EYA3: variants seen among roughly 807,000 people sequenced by gnomAD.
The protein encoded by EYA3 is protein phosphatase EYA3.
In EYA3, 39 loss-of-function variants were observed where a neutral mutation model predicts 80.0. The ratio of observed to expected loss-of-function variants is 0.49; its 90% confidence interval spans 0.38 to 0.64. The LOEUF (loss-of-function observed/expected upper bound fraction) is 0.64, where lower values mean the gene tolerates loss of function less well. EYA3 is among the 30% of genes least tolerant of loss of function. EYA3 has a pLI of 0.00. For missense variants in EYA3, 523 were observed against 676.1 expected, an observed-to-expected ratio of 0.77 and a Z score of 2.51; for synonymous variants, 206 against 232.8, an observed-to-expected ratio of 0.88 and a Z score of 1.05.
chr1:28,011,805 C>T (rs1641716499), intron 9 of EYA3, among the ~76,000 whole-genome samples: 1 of 151,954 alleles, frequency 6.6e-6, no homozygotes, highest in Non-Finnish European at 1.5e-5. Context: ...ATTTATGGAC[C>T]TTATATTTGG....
intron 1 of EYA3, among the ~76,000 whole-genome samples, chr1:28,082,675 T>C (rs1645473069): frequency 6.6e-6 from 1 of 152,176 alleles, no homozygotes; most frequent in African/African-American, 2.4e-5. Flanking sequence ...GTCTTCTGTT[T>C]TATATTTCAA....
intron 1 of EYA3, among the ~76,000 whole-genome samples, chr1:28,077,841 C>T (rs924897635): frequency 2.6e-5 from 4 of 152,166 alleles, no homozygotes; most frequent in African/African-American, 9.6e-5. Context: ...CCTATGTCAT[C>T]AATTCTCTAA....
At chr1:28,063,610 A>G (rs1190113084) in intron 1 of EYA3, among the ~76,000 whole-genome samples, 1 of 152,016 alleles carries the variant, frequency 6.6e-6, no homozygotes, top group Non-Finnish European at 1.5e-5. Context: ...GGCCTCTCAA[A>G]GTGCTGGGAT....
chr1:28,064,178 A>G (rs1644743289), intron 1 of EYA3, among the ~76,000 whole-genome samples: 1 of 152,110 alleles, frequency 6.6e-6, no homozygotes, highest in Non-Finnish European at 1.5e-5. Context: ...TACATTTTTC[A>G]CGTTTTAGAC....
chr1:28,002,667 C>T (rs1019205608), intron 11 of EYA3, among the ~76,000 whole-genome samples: 16 of 151,904 alleles, frequency 1.1e-4, no homozygotes, highest in African/African-American at 3.6e-4. Context: ...ACAAAATTAG[C>T]CGGGTATGGT....
intron 1 of EYA3, among the ~76,000 whole-genome samples, chr1:28,083,469 G>C (rs1172096400): frequency 6.6e-6 from 1 of 151,934 alleles, no homozygotes; most frequent in Non-Finnish European, 1.5e-5. Flanking sequence ...GCAGTGACCA[G>C]AGATTGTGCC....
intron 7 of EYA3, among the ~76,000 whole-genome samples, chr1:28,019,777 C>T (rs1012171861): frequency 6.6e-6 from 1 of 152,134 alleles, no homozygotes; most frequent in Non-Finnish European, 1.5e-5. Flanking sequence ...TCTCGGCTCA[C>T]TGCAACCTCC....
In EYA3 at chr1:28,057,982, G is replaced by C; in HGVS notation, c.33+12C>G. ...CTACAATCAACTTTAAACTGTTAAA[G>C]GAAATACTTACTGGTTGCTCTGGTA... On this transcript the variant is annotated intron_variant, in intron 2 of 17. Transcript: ENST00000373871. 6.4e-7 allele frequency: 1 copy of C among 1,556,762 alleles called. No individual in the cohort carries two copies. Among genetic ancestry groups the C allele is most frequent in the Non-Finnish European group, 8.8e-7 (1 of 1,140,092 alleles).
chr1:28,050,950 T>C (rs1273464632), intron 2 of EYA3, among the ~76,000 whole-genome samples: 1 of 152,180 alleles, frequency 6.6e-6, no homozygotes, highest in Non-Finnish European at 1.5e-5. Flanking sequence ...CAGAGTAACA[T>C]AGTACTTGCA....
At chr1:27,984,032 G>A (rs1639486155) in intron 16 of EYA3, among the ~76,000 whole-genome samples, 1 of 152,036 alleles carries the variant, frequency 6.6e-6, no homozygotes, top group South Asian at 2.1e-4. Flanking sequence ...GGCTTGTCTT[G>A]TTACCTTTTT....
intron 1 of EYA3, among the ~76,000 whole-genome samples, chr1:28,060,513 T>C (rs552975453): frequency 2.1e-4 from 32 of 152,322 alleles, no homozygotes; most frequent in African/African-American, 7.7e-4. Context: ...ATTGATTTTA[T>C]AATAGAAAAA....
Position 28,018,825 on chromosome 1 carries a change from T to C in EYA3, c.500-1586A>G, listed in dbSNP as rs545165644. 7.3e-4 allele frequency among the ~76,000 whole-genome samples: 111 copies of C among 152,314 alleles called. 1 individual carries two copies. Among genetic ancestry groups the C allele is most frequent in the Admixed American group, 2.8e-3 (43 of 15,292 alleles). On this transcript the variant is annotated intron_variant, in intron 7 of 17. Transcript: ENST00000373871. Reference sequence around the variant, plus strand: ...ACAACTTGGATCTCCCAATTCTTCATCCAGTGCTTCTTCCTCAGGGTCAGC... The same window carrying C: ...ACAACTTGGATCTCCCAATTCTTCACCCAGTGCTTCTTCCTCAGGGTCAGC...
chr1:28,070,890 G>A (rs565527117), intron 1 of EYA3, among the ~76,000 whole-genome samples: 10 of 152,114 alleles, frequency 6.6e-5, no homozygotes, highest in Non-Finnish European at 8.8e-5. Flanking sequence ...GTATTTGCAA[G>A]ACAGCACTTA....
chr1:28,086,590 G>A (rs1466783235), intron 1 of EYA3, among the ~76,000 whole-genome samples: 1 of 152,154 alleles, frequency 6.6e-6, no homozygotes, highest in Non-Finnish European at 1.5e-5. Context: ...TTGTTTTGAA[G>A]ACAGAGTGAT....
rs958839193 is a variant in EYA3, at chr1:27,973,306, C to G, written c.*1160G>C. ...GATTTGAATTCTTGGGTCTAATACCCGGGGACTGGCCAGAGCTGCCTGGAG... is the reference window on the plus strand; with the variant it reads ...GATTTGAATTCTTGGGTCTAATACCGGGGGACTGGCCAGAGCTGCCTGGAG... On this transcript the variant is annotated 3_prime_UTR_variant, in exon 18 of 18. Transcript: ENST00000373871. 1 of 152,024 alleles carries G rather than the reference C, an allele frequency of 6.6e-6. No homozygotes were observed. The highest frequency in any genetic ancestry group is 2.4e-5 in the African/African-American group (1 of 41,352). 9.4% of individuals were successfully genotyped at this position (152,024 alleles called of 1,614,324 possible).
At chr1:28,037,412 A>C (rs940849592) in intron 5 of EYA3, among the ~76,000 whole-genome samples, 1 of 152,246 alleles carries the variant, frequency 6.6e-6, no homozygotes, top group Non-Finnish European at 1.5e-5. Context: ...TGAATTTAAA[A>C]ATAACTATTC....
intron 8 of EYA3, among the ~76,000 whole-genome samples, chr1:28,015,164 A>T (rs577284743): frequency 6.6e-6 from 1 of 152,372 alleles, no homozygotes; most frequent in East Asian, 1.9e-4. Flanking sequence ...ACTGAAATAC[A>T]GAACAGACAA....
intron 2 of EYA3, among the ~76,000 whole-genome samples, chr1:28,053,049 G>C (rs1429148425): frequency 6.6e-6 from 1 of 150,798 alleles, no homozygotes; most frequent in African/African-American, 2.4e-5. Context: ...AGGTACTCAG[G>C]AGGGTGAGAT....
At chr1:27,995,501 C>CCAG (rs1640388824) in intron 13 of EYA3, among the ~76,000 whole-genome samples, 1 of 149,602 alleles carries the variant, frequency 6.7e-6, no homozygotes, top group Non-Finnish European at 1.5e-5. Context: ...CTTTGAGGGG[C>CCAG]TGAGGTGGGT....
Sources: gnomAD v4.1 joint callset for allele counts (sites outside exome capture counted in the v4.1 genomes callset) on GRCh38, gnomAD v4.1.1 for gene constraint, MANE v1.5 for transcripts, NCBI Gene and HGNC (gene_info 2026-07-23, HGNC 2026-07-21) for gene names.